The following FAT3 variants were observed in gnomAD, a reference collection of about 807,000 sequenced individuals.
FAT3 encodes protocadherin Fat 3.
In FAT3, 95 loss-of-function variants were observed where a neutral mutation model predicts 310.2. The observed-to-expected ratio is 0.31, with a 90% CI of 0.26 to 0.36. The LOEUF is 0.36. Among genes scored for constraint, FAT3 ranks in the 10% least tolerant of loss-of-function variants. The pLI is 1.00. For synonymous variants in FAT3, 2,314 were observed against 2,192.9 expected, an observed-to-expected ratio of 1.06 and a Z score of -1.54; for missense variants, 5,408 against 5,715.6, an observed-to-expected ratio of 0.95 and a Z score of 1.74.
intron 3 of FAT3, among the ~76,000 whole-genome samples, chr11:92,640,149 G>T (rs888472001): frequency 4.6e-5 from 7 of 151,844 alleles, no homozygotes; most frequent in Non-Finnish European, 1.5e-5. Flanking sequence ...CTACATCAGG[G>T]TCCTCTAACT....
Position 92,892,177 on chromosome 11 carries a change from T to C in FAT3, c.*1064T>C, listed in dbSNP as rs1949929873. ...ACTAGTTATTGTGTATAAATTATAA[T>C]AGTGTGTGTGTGTCTGGGCCTATGT... is the stretch of plus-strand genomic sequence containing the variant. On this transcript the variant is annotated 3_prime_UTR_variant, in exon 28 of 28. Transcript: ENST00000525166. 6.6e-6 allele frequency: 1 copy of C among 152,126 alleles called. No homozygotes were observed. The highest frequency in any genetic ancestry group is 6.6e-5 in the Admixed American group (1 of 15,262). The allele number at this position is 152,126 out of a possible 1,614,324, so 9.4% of individuals were successfully genotyped here.
At position 92,892,350 on chromosome 11, in the gene FAT3, T is replaced by C. The variant is rs1312705036; in HGVS notation, c.*1237T>C. On this transcript the variant is annotated 3_prime_UTR_variant, in exon 28 of 28. Transcript: ENST00000525166. ...TCTATGGTGTTAGAGAAACATCAAA[T>C]GCCATATTTTACTCTGGTTCAGTTA... 1 of 152,112 alleles carries C rather than the reference T, an allele frequency of 6.6e-6. No individual in the cohort carries two copies. Among genetic ancestry groups the C allele is most frequent in the Non-Finnish European group, 1.5e-5 (1 of 68,022 alleles). The allele number at this position is 152,112 out of a possible 1,614,324, so 9.4% of individuals were successfully genotyped here.
intron 19 of FAT3, among the ~76,000 whole-genome samples, chr11:92,847,225 C>T (rs1354730812): frequency 6.6e-6 from 1 of 152,194 alleles, no homozygotes; most frequent in African/African-American, 2.4e-5. Context: ...GATTATAATA[C>T]CATATTTTTA....
chr11:92,840,794 T>A (rs753373098), intron 18 of FAT3, 35 bp downstream of exon 18: 14 of 1,484,272 alleles, frequency 9.4e-6, no homozygotes, highest in Non-Finnish European at 1.2e-5. Context: ...TCGTGCTGTC[T>A]TTCTTTCTCA....
intron 3 of FAT3, among the ~76,000 whole-genome samples, chr11:92,612,085 A>C (rs1940589293): frequency 6.6e-6 from 1 of 152,206 alleles, no homozygotes; most frequent in Non-Finnish European, 1.5e-5. Flanking sequence ...TTTAATAACT[A>C]TTTTATTGTC....
At chr11:92,681,479 C>T (rs547333662) in intron 3 of FAT3, among the ~76,000 whole-genome samples, 5 of 152,190 alleles carry the variant, frequency 3.3e-5, no homozygotes, top group South Asian at 2.1e-4. Context: ...TCAAGGAACA[C>T]GAAGAATTTC....
chr11:92,228,126 A>G lies in FAT3; in HGVS notation c.-18+2952A>G, dbSNP rs369922659. Among the ~76,000 whole-genome samples, 10 of 152,242 alleles carry G rather than the reference A, an allele frequency of 6.6e-5. No homozygotes were observed. In the South Asian group the frequency reaches 8.3e-4, roughly 13 times the overall value. On this transcript the variant is annotated intron_variant, in intron 1 of 27. Coordinates refer to ENST00000525166, the MANE Select transcript of FAT3 (RefSeq NM_001367949.2). ...AATGTCTTCATATCATCTGAATCACACAGAGAACTCCACATGAAAGGCAGC... is the reference window on the plus strand; with the variant it reads ...AATGTCTTCATATCATCTGAATCACGCAGAGAACTCCACATGAAAGGCAGC...
rs765430554 is a variant in FAT3 at position 92,352,957 on chromosome 11, A to C, written c.845A>C (p.Tyr282Ser). 1 of 1,613,890 alleles carries C rather than the reference A, an allele frequency of 6.2e-7. No homozygotes were observed. Among genetic ancestry groups the C allele is most frequent in the East Asian group, 2.2e-5 (1 of 44,866 alleles). ...VPFSLEKEPT[Y>S]AVVTVDDLDD... ...TTCTCGTTGGAAAAAGAGCCAACATATGCAGTGGTGACAGTTGATGACTTA... is the reference window on the plus strand; with the variant it reads ...TTCTCGTTGGAAAAAGAGCCAACATCTGCAGTGGTGACAGTTGATGACTTA... Residue 282 changes from tyrosine (Y) to serine (S), a missense_variant, in exon 2 of 28, where the codon TAT becomes TCT. This residue lies in a region of FAT3 where 4,588 missense variants were observed against 4,809.8 expected (regional missense o/e 0.95). Transcript: ENST00000525166.
chr11:92,860,316 G>A (rs767284733), intron 21 of FAT3, among the ~76,000 whole-genome samples: 1 of 152,154 alleles, frequency 6.6e-6, no homozygotes, highest in Non-Finnish European at 1.5e-5. Context: ...TCTAATAAGT[G>A]ATGAGGCCTG....
chr11:92,474,241 G>T (rs111681793), intron 2 of FAT3, among the ~76,000 whole-genome samples: 2,700 of 152,252 alleles, frequency 0.018, 89 homozygotes, highest in African/African-American at 0.061. Flanking sequence ...TAATCCATCT[G>T]CTAATGAAGA....
intron 1 of FAT3, among the ~76,000 whole-genome samples, chr11:92,315,506 TATATATAG>T (rs1323049359): frequency 1.6e-3 from 135 of 86,576 alleles, no homozygotes; most frequent in African/African-American, 4.0e-3. Context: ...TATATATATA[TATATATAG>T]AGAGAGAGAG....
chr11:92,815,101 A>G (rs894745843), intron 13 of FAT3, among the ~76,000 whole-genome samples: 1 of 152,172 alleles, frequency 6.6e-6, no homozygotes, highest in Non-Finnish European at 1.5e-5. Context: ...GATGGAAATG[A>G]ACCATTGAGC....
At chr11:92,493,805 A>G (rs1952674781) in intron 2 of FAT3, among the ~76,000 whole-genome samples, 1 of 152,034 alleles carries the variant, frequency 6.6e-6, no homozygotes, top group African/African-American at 2.4e-5. Flanking sequence ...ATGCAGCATG[A>G]GTTGATGGCT....
intron 3 of FAT3, among the ~76,000 whole-genome samples, chr11:92,543,643 A>G (rs1360307164): frequency 6.6e-6 from 1 of 152,206 alleles, no homozygotes; most frequent in Non-Finnish European, 1.5e-5. Flanking sequence ...AAGCTATGCA[A>G]ATAGTGCACA....
chr11:92,549,620 C>T (rs201183393), intron 3 of FAT3, among the ~76,000 whole-genome samples: 1 of 152,026 alleles, frequency 6.6e-6, no homozygotes, highest in East Asian at 1.9e-4. Context: ...TTTATCTTTG[C>T]CAAACATACT....
At chr11:92,642,205 T>C (rs1247653750) in intron 3 of FAT3, among the ~76,000 whole-genome samples, 2 of 152,224 alleles carry the variant, frequency 1.3e-5, no homozygotes, top group African/African-American at 4.8e-5. Flanking sequence ...CAGATCTGCC[T>C]GGGCTTTAAG....
chr11:92,321,666 A>C (rs1433378906), intron 1 of FAT3, among the ~76,000 whole-genome samples: 1 of 152,188 alleles, frequency 6.6e-6, no homozygotes, highest in Non-Finnish European at 1.5e-5. Flanking sequence ...ATTTCAGAGC[A>C]AGCTACGGAG....
At chr11:92,871,810 CAAG>C (rs1949401228) in intron 22 of FAT3, among the ~76,000 whole-genome samples, 1 of 152,110 alleles carries the variant, frequency 6.6e-6, no homozygotes, top group Non-Finnish European at 1.5e-5. Flanking sequence ...AACAAGCCTC[CAAG>C]GAGTTTCTAT....
chr11:92,229,514 G>A (rs1551607), intron 1 of FAT3, among the ~76,000 whole-genome samples: 2 of 59,320 alleles, frequency 3.4e-5, no homozygotes, highest in Non-Finnish European at 6.1e-5. Flanking sequence ...TTTGTTTTTT[G>A]TTTTTTTTTA....
Sources: gnomAD v4.1 joint callset for allele counts (sites outside exome capture counted in the v4.1 genomes callset) on GRCh38, gnomAD v4.1.1 for gene constraint, gnomAD v4.1.1 regional missense constraint, MANE v1.5 for transcripts, NCBI Gene and HGNC (gene_info 2026-07-23, HGNC 2026-07-21) for gene names.